CBFA2T3: variants seen among roughly 807,000 people sequenced by gnomAD.
CBFA2T3 encodes the protein transcriptional corepressor CBFA2T3.
A neutral mutation model predicts 58.6 loss-of-function variants in CBFA2T3; 31 were observed. The observed-to-expected ratio is 0.53, with a 90% CI of 0.40 to 0.71. The LOEUF is 0.71. Ranked by LOEUF, CBFA2T3 falls within the 30% of genes least tolerant of loss-of-function variation. CBFA2T3 has a pLI of 0.00. For synonymous variants in CBFA2T3, 531 were observed against 421.9 expected (o/e 1.26, Z -3.17); for missense variants, 1,076 against 963.1 (o/e 1.12, Z -1.55).
chr16:88,884,479 G>C (rs1404074005), intron 7 of CBFA2T3: 1 of 152,374 alleles, frequency 6.6e-6, no homozygotes, highest in African/African-American at 2.4e-5. Flanking sequence ...CCTCATCTGT[G>C]GTATGGGGGT....
chr16:88,918,569 C>T (rs908703422), intron 1 of CBFA2T3, among the ~76,000 whole-genome samples: 1 of 152,268 alleles, frequency 6.6e-6, no homozygotes, highest in African/African-American at 2.4e-5. Flanking sequence ...CCAACCTCCT[C>T]AAAATTTGTG....
intron 2 of CBFA2T3, among the ~76,000 whole-genome samples, chr16:88,899,643 C>A (rs138199799): frequency 6.6e-6 from 1 of 152,142 alleles, no homozygotes; most frequent in Admixed American, 6.5e-5. Flanking sequence ...AGCATCAGAC[C>A]GGCACCTTCC....
intron 5 of CBFA2T3, among the ~76,000 whole-genome samples, chr16:88,888,577 A>T (rs76887755): frequency 1.2e-4 from 1 of 8,526 alleles, no homozygotes; most frequent in Non-Finnish European, 2.1e-4. Context: ...GTGGGGTGGG[A>T]GGGGGTGGGG....
intron 1 of CBFA2T3, among the ~76,000 whole-genome samples, chr16:88,946,816 C>T (rs181888322): frequency 2.6e-5 from 4 of 151,596 alleles, no homozygotes; most frequent in African/African-American, 9.7e-5. Context: ...GACAGGGTCT[C>T]ACTCTGTCTC....
intron 1 of CBFA2T3, chr16:88,939,219 G>C (rs1389018477): frequency 3.3e-5 from 5 of 152,384 alleles, no homozygotes; most frequent in Admixed American, 2.6e-4. Flanking sequence ...CTGGTGTGTG[G>C]CTTCGTAGCC....
intron 1 of CBFA2T3, among the ~76,000 whole-genome samples, chr16:88,912,233 G>C (rs1267377612): frequency 6.6e-6 from 1 of 152,230 alleles, no homozygotes; most frequent in Non-Finnish European, 1.5e-5. Flanking sequence ...TCCCTCATGG[G>C]TTTTTGAGGA....
chr16:88,936,972 TC>T (rs1567620768), intron 1 of CBFA2T3: 1 of 152,180 alleles, frequency 6.6e-6, no homozygotes, highest in Non-Finnish European at 1.5e-5. Context: ...TCCGCCTGAG[TC>T]TTTTCCACTG....
rs1972134310 is a variant in CBFA2T3 at position 88,953,532 on chromosome 16, G to A, written c.151+23125C>T. Among the ~76,000 whole-genome samples, 1 of 142,752 alleles carries A rather than the reference G, an allele frequency of 7.0e-6. No homozygotes were observed. Among genetic ancestry groups the A allele is most frequent in the Non-Finnish European group, 1.5e-5 (1 of 67,212 alleles). 93.7% of individuals were successfully genotyped at this position (142,752 alleles called of 152,430 possible). On this transcript the variant is annotated intron_variant, in intron 1 of 11. Transcript: ENST00000268679. This position sits in a 1 kb window ranked among gnomAD's most constrained non-coding sequence, Gnocchi z 4.9. Reference sequence around the variant, plus strand: ...GGGACCCTGAGTGTGGGGAGGCTGGGGTTGAGCAGTGGGGATCAGGATCTG... The same window carrying A: ...GGGACCCTGAGTGTGGGGAGGCTGGAGTTGAGCAGTGGGGATCAGGATCTG...
intron 1 of CBFA2T3, among the ~76,000 whole-genome samples, chr16:88,908,915 A>G (rs1158148806): frequency 2.0e-5 from 3 of 152,282 alleles, no homozygotes; most frequent in East Asian, 3.9e-4. Flanking sequence ...CGTGCCCCCG[A>G]AAGTCTAGAG....
rs1424633805 is a variant in CBFA2T3, at chr16:88,952,782, A to G, written c.151+23875T>C. ...CATACCCCCATGACAGCCCATCACA[A>G]TTGTTCACGGATCTCTGTGTTCTCC... is the stretch of plus-strand genomic sequence containing the variant. On this transcript the variant is annotated intron_variant, in intron 1 of 11. Coordinates refer to ENST00000268679, the MANE Select transcript of CBFA2T3 (RefSeq NM_005187.6). 2.6e-5 allele frequency among the ~76,000 whole-genome samples: 4 copies of G among 152,078 alleles called. No homozygotes were observed. In the East Asian group the frequency reaches 7.7e-4, roughly 29 times the overall value.
chr16:88,937,006 TC>T (rs1215620724), intron 1 of CBFA2T3: 1 of 152,200 alleles, frequency 6.6e-6, no homozygotes, highest in African/African-American at 2.4e-5. Flanking sequence ...CGGTTTCCAC[TC>T]CAGGAATTTT....
At chr16:88,912,627 C>T (rs1186059080) in intron 1 of CBFA2T3, among the ~76,000 whole-genome samples, 3 of 152,206 alleles carry the variant, frequency 2.0e-5, no homozygotes, top group Non-Finnish European at 4.4e-5. Flanking sequence ...TGTTGGTCCT[C>T]GTGTTTACGC....
chr16:88,930,493 T>G (rs1325786077), intron 1 of CBFA2T3, among the ~76,000 whole-genome samples: 1 of 151,828 alleles, frequency 6.6e-6, no homozygotes, highest in Non-Finnish European at 1.5e-5. Context: ...TTCTGCACAG[T>G]GCAGTGCAGC....
intron 10 of CBFA2T3, 53 bp from the exon 11 acceptor site, chr16:88,879,513 C>A: frequency 6.5e-7 from 1 of 1,543,538 alleles, no homozygotes; most frequent in Non-Finnish European, 8.9e-7. Context: ...CCAGATGGGT[C>A]TCTGGACTTC....
intron 1 of CBFA2T3, among the ~76,000 whole-genome samples, chr16:88,961,644 C>T (rs1267598079): frequency 2.5e-5 from 3 of 118,664 alleles, no homozygotes; most frequent in Non-Finnish European, 3.5e-5. Flanking sequence ...CCATAGTAAC[C>T]GACACTCAGC....
At chr16:88,919,410 T>C (rs772493265) in intron 1 of CBFA2T3, among the ~76,000 whole-genome samples, 4 of 152,202 alleles carry the variant, frequency 2.6e-5, no homozygotes, top group Non-Finnish European at 4.4e-5. Context: ...GCTGAGAGAA[T>C]TAAATTTACG....
chr16:88,950,442 G>T, intron 1 of CBFA2T3: 1 of 418,014 alleles, frequency 2.4e-6, no homozygotes, highest in Non-Finnish European at 4.7e-6. Flanking sequence ...TCAGAGTGTT[G>T]GCACCTGTCT....
chr16:88,917,118 G>T (rs972040847), intron 1 of CBFA2T3, among the ~76,000 whole-genome samples: 3 of 151,790 alleles, frequency 2.0e-5, no homozygotes, highest in South Asian at 4.2e-4. Context: ...GGAAAAAAGA[G>T]AAGAACTGGT....
intron 1 of CBFA2T3, among the ~76,000 whole-genome samples, chr16:88,932,279 A>G (rs1224130210): frequency 7.0e-6 from 1 of 143,356 alleles, no homozygotes; most frequent in Non-Finnish European, 1.5e-5. Context: ...CATCCCGGAA[A>G]ACAGGCAGAG....
Sources: allele counts gnomAD v4.1 joint callset (sites outside exome capture counted in the v4.1 genomes callset), GRCh38; gene constraint gnomAD v4.1.1; non-coding constraint Gnocchi (gnomAD v3.1); transcripts MANE v1.5; gene names NCBI Gene and HGNC (gene_info 2026-07-23, HGNC 2026-07-21).